Variants in PPP3R1 observed in about 807,000 individuals in gnomAD.
The protein encoded by PPP3R1 is protein phosphatase 3 regulatory subunit B, alpha.
Under a neutral mutation model 22.6 loss-of-function variants are expected in PPP3R1, and 5 were observed. The ratio of observed to expected loss-of-function variants is 0.22; its 90% CI spans 0.12 to 0.46. The LOEUF (loss-of-function observed/expected upper bound fraction) is 0.46, where lower values mean the gene tolerates loss of function less well. Ranked by LOEUF, PPP3R1 falls within the 20% of genes least tolerant of loss-of-function variation. PPP3R1 has a pLI of 0.99. For synonymous variants in PPP3R1, 56 were observed against 65.2 expected (o/e 0.86, Z 0.68); for missense variants, 61 against 203.2 (o/e 0.30, Z 4.25).
chr2:68,197,661 T>C (rs1674815479), intron 2 of PPP3R1, among the ~76,000 whole-genome samples: 1 of 152,112 alleles, frequency 6.6e-6, no homozygotes, highest in Non-Finnish European at 1.5e-5. Context: ...ATTAGTGAAT[T>C]GTGCTTTTAA....
At chr2:68,222,507 G>A (rs1669702978) in intron 1 of PPP3R1, among the ~76,000 whole-genome samples, 2 of 152,186 alleles carry the variant, frequency 1.3e-5, no homozygotes, top group African/African-American at 4.8e-5. Flanking sequence ...CACCTAAATA[G>A]AACAAAAAGG....
chr2:68,231,968 A>T (rs1669910053), intron 1 of PPP3R1, among the ~76,000 whole-genome samples: 1 of 151,442 alleles, frequency 6.6e-6, no homozygotes, highest in African/African-American at 2.4e-5. Flanking sequence ...TAATCTTAAG[A>T]TCTTATTTAG....
chr2:68,243,660 A>T (rs569866830), intron 1 of PPP3R1, among the ~76,000 whole-genome samples: 5 of 152,290 alleles, frequency 3.3e-5, no homozygotes, highest in African/African-American at 9.6e-5. Flanking sequence ...GTCATAGTTC[A>T]GACCCTCGTT....
rs1475173390 is a variant in PPP3R1 at position 68,180,304 on chromosome 2, TGA to T, written c.*657_*658del. On this transcript the variant is annotated 3_prime_UTR_variant, in exon 6 of 6. Transcript: ENST00000234310. ...AGGTGTATTAAAAGCTGCTCAGCAA[TGA>T]GAAGTAGTCCCTGGATATATTCATA... 6.6e-6 allele frequency: 1 copy of T among 152,500 alleles called. No homozygotes were observed. The highest frequency in any genetic ancestry group is 1.5e-5 in the Non-Finnish European group (1 of 68,038). The allele number at this position is 152,500 out of a possible 1,614,324, so 9.4% of individuals were successfully genotyped here.
At chr2:68,237,427 A>C (rs1670038951) in intron 1 of PPP3R1, among the ~76,000 whole-genome samples, 1 of 152,290 alleles carries the variant, frequency 6.6e-6, no homozygotes, top group South Asian at 2.1e-4. Context: ...TCCATAGCCC[A>C]ATCTTGCTCT....
intron 2 of PPP3R1, among the ~76,000 whole-genome samples, chr2:68,211,963 A>G (rs1669495244): frequency 6.6e-6 from 1 of 152,168 alleles, no homozygotes; most frequent in Non-Finnish European, 1.5e-5. Context: ...ACCCCTCAAA[A>G]TCACTCATGA....
chr2:68,232,253 GTGTGTGTGTGTGTATATATA>G (rs1669929951), intron 1 of PPP3R1, among the ~76,000 whole-genome samples: 2 of 69,584 alleles, frequency 2.9e-5, no homozygotes, highest in African/African-American at 2.2e-4. Context: ...GTGTGTGTGT[GTGTGTGTGTGTGTATATATA>G]TATACACACA....
intron 1 of PPP3R1, among the ~76,000 whole-genome samples, chr2:68,246,983 T>G (rs1326327056): frequency 6.7e-6 from 1 of 149,714 alleles, no homozygotes; most frequent in Non-Finnish European, 1.5e-5. Flanking sequence ...CCCAAAACAG[T>G]CTTGCTCTGT....
intron 1 of PPP3R1, among the ~76,000 whole-genome samples, chr2:68,240,286 C>A (rs1419450250): frequency 6.6e-6 from 1 of 152,208 alleles, no homozygotes; most frequent in African/African-American, 2.4e-5. Context: ...TACTTCACTT[C>A]TATTTTCTAC....
intron 5 of PPP3R1, among the ~76,000 whole-genome samples, chr2:68,181,317 C>T (rs569445019): frequency 8.0e-5 from 12 of 150,912 alleles, no homozygotes; most frequent in Non-Finnish European, 8.8e-5. Context: ...CGCTTGAACC[C>T]GGGAGTTGGA....
chr2:68,230,072 A>G (rs1669865760), intron 1 of PPP3R1, among the ~76,000 whole-genome samples: 1 of 151,822 alleles, frequency 6.6e-6, no homozygotes, highest in Admixed American at 6.6e-5. Flanking sequence ...GGCTCACTGC[A>G]TTCTCCACCT....
intron 1 of PPP3R1, chr2:68,251,263 ACAG>A (rs1670344215): frequency 6.6e-6 from 1 of 152,254 alleles, no homozygotes. Flanking sequence ...CTGAAACACT[ACAG>A]CAGCGAATTC....
chr2:68,210,525 C>T (rs1669457177), intron 2 of PPP3R1, among the ~76,000 whole-genome samples: 1 of 152,174 alleles, frequency 6.6e-6, no homozygotes, highest in Admixed American at 6.5e-5. Flanking sequence ...TTATTATCTT[C>T]AAATCCAACT....
intron 1 of PPP3R1, among the ~76,000 whole-genome samples, chr2:68,232,151 A>T (rs1225860879): frequency 2.3e-5 from 3 of 131,184 alleles, no homozygotes; most frequent in African/African-American, 5.8e-5. Flanking sequence ...ATATATGTAT[A>T]TATATATACA....
chr2:68,183,616 GC>G (rs1427533672), intron 5 of PPP3R1, among the ~76,000 whole-genome samples: 2 of 152,278 alleles, frequency 1.3e-5, no homozygotes, highest in South Asian at 4.1e-4. Context: ...ATTCCCAAGA[GC>G]TTTTTTATAT....
rs1206721539 is a variant in PPP3R1, at chr2:68,180,345, T to C, written c.*618A>G. On this transcript the variant is annotated 3_prime_UTR_variant, in exon 6 of 6. Transcript: ENST00000234310. ...GATATATTCATAAGTATAAATAAAG[T>C]TACAGACTCCTTTGTTACAAAAATG... 1.3e-5 allele frequency: 2 copies of C among 152,620 alleles called. No homozygotes were observed. Among genetic ancestry groups the C allele is most frequent in the Non-Finnish European group, 2.9e-5 (2 of 68,030 alleles). 9.5% of individuals were successfully genotyped at this position (152,620 alleles called of 1,614,324 possible). A position where few individuals can be genotyped will look rare whatever the true frequency, so the allele number is the denominator to read the frequency against.
intron 2 of PPP3R1, among the ~76,000 whole-genome samples, chr2:68,201,075 A>G (rs1468729697): frequency 1.3e-5 from 2 of 152,174 alleles, no homozygotes; most frequent in African/African-American, 4.8e-5. Flanking sequence ...CATCTTATTC[A>G]AAAGATCTGG....
At chr2:68,212,345 T>A (rs919634150) in intron 2 of PPP3R1, among the ~76,000 whole-genome samples, 1 of 152,202 alleles carries the variant, frequency 6.6e-6, no homozygotes, top group African/African-American at 2.4e-5. Flanking sequence ...CCTCCGAAAG[T>A]GCTAGGATTC....
At chr2:68,204,805 A>G (rs1204077724) in intron 2 of PPP3R1, among the ~76,000 whole-genome samples, 1 of 152,202 alleles carries the variant, frequency 6.6e-6, no homozygotes, top group African/African-American at 2.4e-5. Flanking sequence ...CGAGTTGTCT[A>G]TGTAATCCAG....
Sources: gnomAD v4.1 joint callset for allele counts (sites outside exome capture counted in the v4.1 genomes callset) on GRCh38, gnomAD v4.1.1 for gene constraint, MANE v1.5 for transcripts, NCBI Gene and HGNC (gene_info 2026-07-23, HGNC 2026-07-21) for gene names.